The following AGBL3 variants were observed in gnomAD, a reference collection of about 807,000 sequenced individuals.
AGBL3 encodes cytosolic carboxypeptidase 3.
Under a neutral mutation model 94.5 loss-of-function variants are expected in AGBL3, and 68 were observed. That is an observed-to-expected ratio of 0.72 (90% CI 0.59 to 0.88). The LOEUF is 0.88. Ranked by LOEUF, AGBL3 falls within the 40% of genes least tolerant of loss-of-function variation. The probability of loss-of-function intolerance (pLI) is 0.00; values close to 1 mark genes in which losing one functional copy is unlikely to be tolerated. For synonymous variants in AGBL3, 354 were observed against 370.7 expected (o/e 0.95, Z 0.52); for missense variants, 934 against 1,103.8 (o/e 0.85, Z 2.18).
chr7:135,059,309 C>A lies in AGBL3; in HGVS notation c.1908+74C>A, dbSNP rs1818619965. On this transcript the variant is annotated intron_variant, in intron 12 of 16. Coordinates refer to ENST00000436302, the MANE Select transcript of AGBL3 (RefSeq NM_178563.4). ...GTTCTTATTGTGACTAATAATCAGG[C>A]AAAAAAAATTGCAGATATGTAATTA... The A allele has an allele frequency of 6.9e-6, 6 of 874,908 alleles. No individual in the cohort carries two copies. In the East Asian group the frequency reaches 9.1e-5, roughly 13 times the overall value. The allele number at this position is 874,908 out of a possible 1,614,324, so 54.2% of individuals were successfully genotyped here. A position where few individuals can be genotyped will look rare whatever the true frequency, so the allele number is the denominator to read the frequency against.
At chr7:135,065,959 TA>T (rs1318529141) in intron 12 of AGBL3, among the ~76,000 whole-genome samples, 1 of 152,112 alleles carries the variant, frequency 6.6e-6, no homozygotes, top group Non-Finnish European at 1.5e-5. Flanking sequence ...ACCTTTATAC[TA>T]CACACAAAAA....
In AGBL3 at chr7:135,128,591, G is replaced by A. The variant is rs1406426987; in HGVS notation, c.2343-6250G>A. The A allele has an allele frequency of 2.3e-5, 18 of 771,082 alleles. No individual in the cohort carries two copies. In the East Asian group the frequency reaches 2.9e-4, roughly 13 times the overall value. The allele number at this position is 771,082 out of a possible 1,614,324, so 47.8% of individuals were successfully genotyped here. A position where few individuals can be genotyped will look rare whatever the true frequency, so the allele number is the denominator to read the frequency against. On this transcript the variant is annotated intron_variant, in intron 16 of 16. Coordinates refer to ENST00000436302, the MANE Select transcript of AGBL3 (RefSeq NM_178563.4). ...ATAGAATTTCAAGATGTTTGTGAGC[G>A]CTATCTGCTCTATGGGAAGAACACC...
At chr7:135,040,667 A>T (rs1483543405) in intron 8 of AGBL3, among the ~76,000 whole-genome samples, 1 of 152,186 alleles carries the variant, frequency 6.6e-6, no homozygotes, top group African/African-American at 2.4e-5. Context: ...TACAGCTAAC[A>T]ACATAGTTGA....
At chr7:135,080,295 A>C in intron 14 of AGBL3, 35 bp downstream of exon 14, 1 of 1,522,076 alleles carries the variant, frequency 6.6e-7, no homozygotes, top group Admixed American at 2.0e-5. Flanking sequence ...ATAAACAATT[A>C]ATTCATTTAC....
intron 12 of AGBL3, among the ~76,000 whole-genome samples, chr7:135,070,818 G>C (rs1000586020): frequency 1.3e-5 from 2 of 152,106 alleles, no homozygotes; most frequent in Non-Finnish European, 2.9e-5. Flanking sequence ...ACTGGCACAA[G>C]ACAGGGATGC....
At chr7:135,043,544 A>G (rs1304649453) in intron 8 of AGBL3, among the ~76,000 whole-genome samples, 1 of 152,150 alleles carries the variant, frequency 6.6e-6, no homozygotes. Flanking sequence ...ACTATAGTCA[A>G]TAATAATTTA....
At chr7:135,039,329 A>G (rs546477887) in intron 8 of AGBL3, among the ~76,000 whole-genome samples, 1 of 152,368 alleles carries the variant, frequency 6.6e-6, no homozygotes, top group South Asian at 2.1e-4. Flanking sequence ...CTTAAGGAAC[A>G]TTAGAATATA....
At chr7:135,106,288 C>A (rs899864280) in intron 15 of AGBL3, among the ~76,000 whole-genome samples, 2 of 152,194 alleles carry the variant, frequency 1.3e-5, no homozygotes, top group African/African-American at 4.8e-5. Context: ...TGAGAGAGGG[C>A]ATCCTTGTCT....
At chr7:135,008,411 C>A (rs936098663) in intron 4 of AGBL3, among the ~76,000 whole-genome samples, 5 of 151,994 alleles carry the variant, frequency 3.3e-5, no homozygotes, top group Non-Finnish European at 7.4e-5. Context: ...AAATGGCACC[C>A]AGACAACTGG....
intron 12 of AGBL3, among the ~76,000 whole-genome samples, chr7:135,068,587 C>T (rs968456293): frequency 2.0e-5 from 3 of 152,054 alleles, no homozygotes; most frequent in African/African-American, 4.8e-5. Flanking sequence ...TATTCAACAT[C>T]CTTAAAGAAA....
chr7:135,036,385 G>C (rs921674255), intron 7 of AGBL3, among the ~76,000 whole-genome samples: 4 of 151,798 alleles, frequency 2.6e-5, no homozygotes, highest in African/African-American at 9.7e-5. Context: ...ATATTTGTTA[G>C]AAATTTATCA....
chr7:135,107,385 C>T (rs1824895207), intron 15 of AGBL3, among the ~76,000 whole-genome samples: 1 of 152,128 alleles, frequency 6.6e-6, no homozygotes, highest in South Asian at 2.1e-4. Flanking sequence ...ACTGCCTTAG[C>T]TATGTCCCAG....
rs1585229829 is a variant in AGBL3 at position 135,120,415 on chromosome 7, C to T, written c.2342+4804C>T. On this transcript the variant is annotated intron_variant, in intron 16 of 16. Coordinates refer to ENST00000436302, the MANE Select transcript of AGBL3 (RefSeq NM_178563.4). ...AACCAATAAATTGTGATAAGTTATG[C>T]ATATGTAGTATAATACAGCAACCAC... Among the ~76,000 whole-genome samples the T allele has an allele frequency of 3.3e-5, 5 of 152,158 alleles. No individual in the cohort carries two copies. The South Asian group carries it at 1.0e-3, about 32-fold the overall frequency.
intron 3 of AGBL3, 47 bp from the exon 4 acceptor site, chr7:134,993,446 T>C: frequency 7.0e-7 from 1 of 1,434,944 alleles, no homozygotes. Flanking sequence ...CAGGAGTTGG[T>C]ATTTTTCTTC....
intron 9 of AGBL3, among the ~76,000 whole-genome samples, chr7:135,044,934 A>G (rs1817214477): frequency 5.8e-5 from 1 of 17,116 alleles, no homozygotes; most frequent in African/African-American, 8.2e-5. Context: ...TCATTGTTCA[A>G]TTCCCACATA....
chr7:135,124,285 T>A (rs1279533379), intron 16 of AGBL3, among the ~76,000 whole-genome samples: 4 of 148,408 alleles, frequency 2.7e-5, no homozygotes, highest in Non-Finnish European at 6.0e-5. Context: ...ACCAACAAAA[T>A]CAAAAAAGAC....
intron 12 of AGBL3, among the ~76,000 whole-genome samples, chr7:135,066,811 C>G (rs1017643959): frequency 1.3e-5 from 2 of 152,118 alleles, no homozygotes; most frequent in African/African-American, 4.8e-5. Context: ...CCAGTGTGAG[C>G]GACGCAGAAG....
At chr7:135,079,629 C>G (rs924624210) in intron 13 of AGBL3, among the ~76,000 whole-genome samples, 9 of 51,126 alleles carry the variant, frequency 1.8e-4, no homozygotes, top group Non-Finnish European at 3.1e-4. Flanking sequence ...CCACTCCCCA[C>G]TAATTTTTTT....
intron 4 of AGBL3, among the ~76,000 whole-genome samples, chr7:134,997,659 AACT>A (rs1811179644): frequency 6.6e-6 from 1 of 152,174 alleles, no homozygotes. Context: ...TGTTAGCATA[AACT>A]ACTATCTGAC....
Sources: gnomAD v4.1 joint callset for allele counts (sites outside exome capture counted in the v4.1 genomes callset) on GRCh38, gnomAD v4.1.1 for gene constraint, MANE v1.5 for transcripts, NCBI Gene and HGNC (gene_info 2026-07-23, HGNC 2026-07-21) for gene names.